VPS13C: variants seen among roughly 807,000 people sequenced by gnomAD.
VPS13C encodes the protein vacuolar protein sorting 13 homolog C.
A neutral mutation model predicts 456.8 loss-of-function variants in VPS13C; 358 were observed. That is an observed-to-expected ratio of 0.78 (90% CI 0.72 to 0.86). The LOEUF (loss-of-function observed/expected upper bound fraction) is 0.86, where lower values mean the gene tolerates loss of function less well. VPS13C is among the 40% of genes least tolerant of loss of function. The pLI, the probability that VPS13C is intolerant of heterozygous loss-of-function variation, is 0.00. For synonymous variants in VPS13C, 1,578 were observed against 1,486.7 expected (o/e 1.06, Z -1.41); for missense variants, 4,818 against 4,385.4 (o/e 1.10, Z -2.79).
intron 73 of VPS13C, among the ~76,000 whole-genome samples, chr15:61,879,821 ACAC>A (rs1895720154): frequency 6.6e-6 from 1 of 152,118 alleles, no homozygotes; most frequent in African/African-American, 2.4e-5. Context: ...TTTAAACCTG[ACAC>A]TATCAGTATG....
chr15:61,945,843 G>T lies in VPS13C; in HGVS notation c.5020C>A (p.Leu1674Met), dbSNP rs762431865. ...TCTGTGGCATCTGGATAAAGAGTCA[G>T]TTGGAACCTAAAGACTTCATCTCCC... ...ILGDEVFRFQ[L>M]TLYPDATEGE... The change falls in exon 45 of 85, where the codon CTG becomes ATG. Residue 1674 changes from leucine (L) to methionine (M), a missense_variant. Coordinates refer to ENST00000644861, the MANE Select transcript of VPS13C (RefSeq NM_020821.3). 9.9e-6 allele frequency: 16 copies of T among 1,611,966 alleles called. No homozygotes were observed. The highest frequency in any genetic ancestry group is 1.3e-5 in the Non-Finnish European group (15 of 1,179,432).
chr15:62,020,545 A>G lies in VPS13C; in HGVS notation c.625-7T>C. 2 of 1,610,898 alleles carry G rather than the reference A, an allele frequency of 1.2e-6. No homozygotes were observed. Among genetic ancestry groups the G allele is most frequent in the East Asian group, 4.5e-5 (2 of 44,776 alleles). On this transcript the variant is annotated splice_region_variant and splice_polypyrimidine_tract_variant and intron_variant, in intron 8 of 84. Transcript: ENST00000644861. ...GCCGCTTTGGATCAGTGACCTACCA[A>G]AGAAGAAAAGATAACAGTAAAATAT...
intron 32 of VPS13C, among the ~76,000 whole-genome samples, chr15:61,963,185 C>T (rs767653162): frequency 6.6e-6 from 1 of 152,006 alleles, no homozygotes; most frequent in African/African-American, 2.4e-5. Flanking sequence ...CAAATTCAGA[C>T]TAGTAGATGC....
At chr15:62,014,562 G>C (rs1348164323) in intron 9 of VPS13C, among the ~76,000 whole-genome samples, 2 of 152,088 alleles carry the variant, frequency 1.3e-5, no homozygotes, top group Non-Finnish European at 1.5e-5. Context: ...AGATTTATAA[G>C]TTAGATTGTA....
intron 55 of VPS13C, among the ~76,000 whole-genome samples, chr15:61,921,284 C>T (rs2043645369): frequency 6.6e-6 from 1 of 152,076 alleles, no homozygotes. Context: ...AGTTTCAGTG[C>T]CTGACTCCTT....
chr15:61,925,637 G>A (rs966551939), intron 52 of VPS13C, 89 bp from the exon 53 acceptor site: 15 of 903,258 alleles, frequency 1.7e-5, no homozygotes, highest in Admixed American at 1.1e-4. Flanking sequence ...CTTAACTTGG[G>A]ATCTTTAACT....
At position 61,868,626 on chromosome 15, in the gene VPS13C, AT is replaced by A. The variant is rs1431930960; in HGVS notation, c.10863+32del. The A allele has an allele frequency of 1.9e-6, 3 of 1,587,570 alleles. No individual in the cohort carries two copies. The African/African-American group carries it at 4.0e-5, about 21-fold the overall frequency. ...TGGGCCTAGAAATCATTAAAATTCC[AT>A]TTCACTCGTGACCATGAAGAACAAA... On this transcript the variant is annotated intron_variant, in intron 81 of 84. Coordinates refer to ENST00000644861, the MANE Select transcript of VPS13C (RefSeq NM_020821.3).
intron 61 of VPS13C, 27 bp downstream of exon 61, chr15:61,915,606 T>C: frequency 6.5e-7 from 1 of 1,541,830 alleles, no homozygotes; most frequent in Non-Finnish European, 8.7e-7. Context: ...TTATCTGCTT[T>C]AACTTATTAT....
At chr15:61,907,432 G>A (rs1272693423) in intron 65 of VPS13C, 42 bp from the exon 66 acceptor site, 33 of 1,601,358 alleles carry the variant, frequency 2.1e-5, no homozygotes, top group Non-Finnish European at 2.8e-5. Flanking sequence ...ATATCTTGGA[G>A]ATAAGAAACC....
chr15:61,940,874 C>T, intron 46 of VPS13C, 80 bp from the exon 47 acceptor site: 1 of 1,382,368 alleles, frequency 7.2e-7, no homozygotes, highest in Non-Finnish European at 9.7e-7. Flanking sequence ...TAACAGTTTC[C>T]ACACAGCATT....
At chr15:61,906,922 C>G (rs2043167878) in intron 66 of VPS13C, 1 of 228,348 alleles carries the variant, frequency 4.4e-6, no homozygotes, top group African/African-American at 2.3e-5. Flanking sequence ...TTTAAAAACT[C>G]ATAGCCAAAA....
chr15:61,855,166 T>C lies in VPS13C; in HGVS notation c.11077-212A>G, dbSNP rs572419880. Reference sequence around the variant, plus strand: ...TAGAACTTATAAAATTGGATGAGCATACATCTATCTGTATAAAATAATGGC... The same window carrying C: ...TAGAACTTATAAAATTGGATGAGCACACATCTATCTGTATAAAATAATGGC... On this transcript the variant is annotated intron_variant, in intron 83 of 84. Transcript: ENST00000644861. Among the ~76,000 whole-genome samples the C allele has an allele frequency of 4.3e-4, 66 of 152,318 alleles. 1 individual carries two copies. Among genetic ancestry groups the C allele is most frequent in the African/African-American group, 1.5e-3 (64 of 41,570 alleles).
chr15:61,962,848 C>A lies in VPS13C; in HGVS notation c.3336G>T (p.Leu1112=). 1 of 1,590,876 alleles carries A rather than the reference C, an allele frequency of 6.3e-7. No individual in the cohort carries two copies. Among genetic ancestry groups the A allele is most frequent in the South Asian group, 1.1e-5 (1 of 87,288 alleles). Residue 1112 remains leucine (L), a synonymous_variant, in exon 33 of 85, where the codon CTG becomes CTT. Transcript: ENST00000644861. Reference sequence around the variant, plus strand: ...TTGACTGGAGAGAAAGGGAGGAATCCAGTCCTGAAAAAAAGAGTGTATTAT... The same window carrying A: ...TTGACTGGAGAGAAAGGGAGGAATCAAGTCCTGAAAAAAAGAGTGTATTAT... ...NNIAEIKIQG[L]DSSLSLQSRK...
intron 9 of VPS13C, among the ~76,000 whole-genome samples, chr15:62,020,065 A>G (rs1269780372): frequency 6.6e-6 from 1 of 151,264 alleles, no homozygotes; most frequent in Non-Finnish European, 1.5e-5. Flanking sequence ...AAATAAATTA[A>G]TTTACATATT....
rs140453719 is a variant in VPS13C at position 62,011,479 on chromosome 15, G to T, written c.883+628C>A. Among the ~76,000 whole-genome samples the T allele has an allele frequency of 7.4e-3, 1,119 of 152,016 alleles. 10 individuals carry two copies. The highest frequency in any genetic ancestry group is 0.026 in the African/African-American group (1,063 of 41,494). ...TCAATTAGTTATAAAAGAACACGAAGAAAACAACAGTGAACCAGAGTAATA... is the reference window on the plus strand; with the variant it reads ...TCAATTAGTTATAAAAGAACACGAATAAAACAACAGTGAACCAGAGTAATA... On this transcript the variant is annotated intron_variant, in intron 12 of 84. Transcript: ENST00000644861.
chr15:62,056,413 G>A (rs1055702497), intron 1 of VPS13C, among the ~76,000 whole-genome samples: 7 of 152,228 alleles, frequency 4.6e-5, no homozygotes, highest in Non-Finnish European at 7.3e-5. Context: ...ACAAGAGTGC[G>A]AGCCTTCTGT....
At chr15:61,926,187 C>T (rs2043841848) in intron 52 of VPS13C, among the ~76,000 whole-genome samples, 1 of 152,068 alleles carries the variant, frequency 6.6e-6, no homozygotes, top group African/African-American at 2.4e-5. Flanking sequence ...ATGCTTGAGG[C>T]CACGAGTTCA....
At position 61,977,020 on chromosome 15, in the gene VPS13C, G is replaced by C. The variant is rs1395367717; in HGVS notation, c.2408+62C>G. ...TCTATCTTTGCTTCCTTAAATTCTA[G>C]CAACTGATGCAGACATATTTCACCT... On this transcript the variant is annotated intron_variant, in intron 24 of 84. Coordinates refer to ENST00000644861, the MANE Select transcript of VPS13C (RefSeq NM_020821.3). 1.0e-5 allele frequency: 12 copies of C among 1,158,358 alleles called. No homozygotes were observed. The East Asian group carries it at 2.5e-4, about 24-fold the overall frequency. The allele number at this position is 1,158,358 out of a possible 1,614,324, so 71.8% of individuals were successfully genotyped here.
At position 61,983,949 on chromosome 15, in the gene VPS13C, T is replaced by G. The variant is rs2045960917; in HGVS notation, c.1785A>C (p.Ser595=). ...TGLRQQDIVP[S]LVASIGDTTS... Reference sequence around the variant, plus strand: ...TAGTGTCACCAATTGAAGCCACAAGTGATGGCACAATATCCTGCTGTCTCA... The same window carrying G: ...TAGTGTCACCAATTGAAGCCACAAGGGATGGCACAATATCCTGCTGTCTCA... Residue 595 remains serine (S), a synonymous_variant, in exon 20 of 85, where the codon TCA becomes TCC. Transcript: ENST00000644861. 1 of 1,614,138 alleles carries G rather than the reference T, an allele frequency of 6.2e-7. No homozygotes were observed. The highest frequency in any genetic ancestry group is 1.7e-5 in the Admixed American group (1 of 60,024).
Sources: allele counts gnomAD v4.1 joint callset (sites outside exome capture counted in the v4.1 genomes callset), GRCh38; gene constraint gnomAD v4.1.1; transcripts MANE v1.5; gene names NCBI Gene and HGNC (gene_info 2026-07-23, HGNC 2026-07-21).